The following SH3GL1 variants were observed in gnomAD, a reference collection of about 807,000 sequenced individuals.
The protein encoded by SH3GL1 is SH3 domain containing GRB2 like 1, endophilin A2, also known as endophilin-A2.
A neutral mutation model predicts 48.8 loss-of-function variants in SH3GL1; 21 were observed. The observed-to-expected ratio is 0.43, with a 90% CI of 0.30 to 0.62. The LOEUF is 0.62. Ranked by LOEUF, SH3GL1 falls within the 20% of genes least tolerant of loss-of-function variation. The pLI is 0.11. For missense variants in SH3GL1, 454 were observed against 503.0 expected (o/e 0.90, Z 0.93); for synonymous variants, 282 against 217.5 (o/e 1.30, Z -2.61).
chr19:4,395,056 A>C (rs1275064490), intron 1 of SH3GL1, among the ~76,000 whole-genome samples: 1 of 152,276 alleles, frequency 6.6e-6, no homozygotes, highest in African/African-American at 2.4e-5. Flanking sequence ...TGTGGCTCTC[A>C]ACTATTAAAT....
chr19:4,363,582 G>A, intron 6 of SH3GL1, 109 bp from the exon 7 acceptor site: 2 of 1,453,734 alleles, frequency 1.4e-6, no homozygotes, highest in Non-Finnish European at 1.9e-6. Context: ...GGGGACAGGG[G>A]ACTGGGGCCC....
At chr19:4,365,375 C>T in intron 4 of SH3GL1, 107 bp downstream of exon 4, 1 of 1,464,714 alleles carries the variant, frequency 6.8e-7, no homozygotes, top group Non-Finnish European at 9.5e-7. Flanking sequence ...GTGGGGGCCA[C>T]TGTACGTCCC....
chr19:4,362,470 C>A, intron 8 of SH3GL1, 85 bp from the exon 9 acceptor site: 1 of 1,570,940 alleles, frequency 6.4e-7, no homozygotes, highest in Non-Finnish European at 8.7e-7. Flanking sequence ...CAGCCCTTCC[C>A]GTCTGCCTTG....
chr19:4,392,558 A>G (rs1973356672), intron 1 of SH3GL1, among the ~76,000 whole-genome samples: 1 of 114,438 alleles, frequency 8.7e-6, no homozygotes, highest in Non-Finnish European at 2.0e-5. Context: ...ACACACACAC[A>G]CACACACACA....
At chr19:4,384,601 G>A (rs1037658959) in intron 1 of SH3GL1, among the ~76,000 whole-genome samples, 3 of 152,136 alleles carry the variant, frequency 2.0e-5, no homozygotes, top group Admixed American at 6.6e-5. Flanking sequence ...GCAAGGTACC[G>A]CACTGGAGAA....
At chr19:4,396,790 C>T (rs1973433806) in intron 1 of SH3GL1, among the ~76,000 whole-genome samples, 1 of 152,188 alleles carries the variant, frequency 6.6e-6, no homozygotes, top group South Asian at 2.1e-4. Flanking sequence ...CGTCTACCTA[C>T]TAGTAGCCAG....
chr19:4,367,122 A>C lies in SH3GL1; in HGVS notation c.46-128T>G. 1 of 834,600 alleles carries C rather than the reference A, an allele frequency of 1.2e-6. No homozygotes were observed. Among genetic ancestry groups the C allele is most frequent in the Non-Finnish European group, 2.0e-6 (1 of 488,440 alleles). 51.7% of individuals were successfully genotyped at this position (834,600 alleles called of 1,614,324 possible). A position where few individuals can be genotyped will look rare whatever the true frequency, so the allele number is the denominator to read the frequency against. On this transcript the variant is annotated intron_variant, in intron 1 of 9. Coordinates refer to ENST00000269886, the MANE Select transcript of SH3GL1 (RefSeq NM_003025.4). This position sits in a 1 kb window ranked among gnomAD's most constrained non-coding sequence, Gnocchi z 4.2. ...AGGCAGGAGGCCAAGTGATCAGGAC[A>C]CACACCTCAGGCACTGCCGTGGGCA... is the stretch of plus-strand genomic sequence containing the variant.
chr19:4,374,858 G>C (rs1289425769), intron 1 of SH3GL1, among the ~76,000 whole-genome samples: 2 of 152,214 alleles, frequency 1.3e-5, no homozygotes, highest in Non-Finnish European at 1.5e-5. Context: ...GGCTGCGCCT[G>C]GTGGCCGTAT....
intron 1 of SH3GL1, among the ~76,000 whole-genome samples, chr19:4,368,472 T>C (rs1972829527): frequency 6.6e-6 from 1 of 152,156 alleles, no homozygotes; most frequent in African/African-American, 2.4e-5. Context: ...CAACCCCAAG[T>C]TCTGCAAAAG....
At chr19:4,381,686 C>G (rs1375341909) in intron 1 of SH3GL1, among the ~76,000 whole-genome samples, 2 of 98,650 alleles carry the variant, frequency 2.0e-5, no homozygotes, top group Non-Finnish European at 4.0e-5. Flanking sequence ...ACCCCCCACA[C>G]GCCTTTTTTT....
At position 4,400,233 on chromosome 19, in the gene SH3GL1, C is replaced by T. The variant is rs1049734086; in HGVS notation, c.45+91G>A. ...GCGCCAACGTCCCCACCTCGGTCCC[C>T]CCGGCCCCCTCCCGGGCCAGGTCGG... On this transcript the variant is annotated intron_variant, in intron 1 of 9. Coordinates refer to ENST00000269886, the MANE Select transcript of SH3GL1 (RefSeq NM_003025.4). This position sits in a 1 kb window ranked among gnomAD's most constrained non-coding sequence, Gnocchi z 4.1. The T allele has an allele frequency of 1.4e-6, 2 of 1,424,428 alleles. No homozygotes were observed. The highest frequency in any genetic ancestry group is 1.9e-6 in the Non-Finnish European group (2 of 1,053,046). 88.2% of individuals were successfully genotyped at this position (1,424,428 alleles called of 1,614,324 possible).
At chr19:4,372,912 G>A (rs981814612) in intron 1 of SH3GL1, among the ~76,000 whole-genome samples, 8 of 152,190 alleles carry the variant, frequency 5.3e-5, no homozygotes, top group Non-Finnish European at 8.8e-5. Flanking sequence ...AGGCCCTTGC[G>A]TGCTGACTAT....
chr19:4,392,784 A>G (rs1277163626), intron 1 of SH3GL1, among the ~76,000 whole-genome samples: 1 of 151,986 alleles, frequency 6.6e-6, no homozygotes, highest in African/African-American at 2.4e-5. Flanking sequence ...TCTACTAAAA[A>G]TACAAAAATT....
intron 1 of SH3GL1, among the ~76,000 whole-genome samples, chr19:4,393,426 G>T (rs1025322102): frequency 1.3e-5 from 2 of 152,008 alleles, no homozygotes; most frequent in South Asian, 2.1e-4. Context: ...TCAAGACCTG[G>T]AGTGGTGGGG....
intron 1 of SH3GL1, among the ~76,000 whole-genome samples, chr19:4,392,518 T>A (rs1973354785): frequency 7.3e-6 from 1 of 137,766 alleles, no homozygotes; most frequent in African/African-American, 2.8e-5. Flanking sequence ...CAAGACTCCG[T>A]CACACACACA....
At chr19:4,364,886 GTGTGTGTGTGTGTA>G (rs1972732265) in intron 4 of SH3GL1, among the ~76,000 whole-genome samples, 2 of 90,888 alleles carry the variant, frequency 2.2e-5, no homozygotes, top group African/African-American at 4.4e-5. Flanking sequence ...GTGTGTGTGT[GTGTGTGTGTGTGTA>G]TATATATATA....
Position 4,361,528 on chromosome 19 carries a change from G to T in SH3GL1, c.*72C>A. ...ACACCGCCCTGGCAGCAGGGGCTCCGTGGAATGCAGGAGACCCAGCAGGGG... is the reference window on the plus strand; with the variant it reads ...ACACCGCCCTGGCAGCAGGGGCTCCTTGGAATGCAGGAGACCCAGCAGGGG... On this transcript the variant is annotated 3_prime_UTR_variant, in exon 10 of 10. Transcript: ENST00000269886. 8.2e-7 allele frequency: 1 copy of T among 1,218,568 alleles called. No individual in the cohort carries two copies. Among genetic ancestry groups the T allele is most frequent in the Non-Finnish European group, 1.2e-6 (1 of 865,742 alleles). The allele number at this position is 1,218,568 out of a possible 1,614,324, so 75.5% of individuals were successfully genotyped here.
At chr19:4,369,485 G>A (rs1357759621) in intron 1 of SH3GL1, among the ~76,000 whole-genome samples, 1 of 152,314 alleles carries the variant, frequency 6.6e-6, no homozygotes, top group East Asian at 1.9e-4. Context: ...GGCAGGAGTG[G>A]CTCCGTCAGG....
chr19:4,381,475 C>T (rs1436698701), intron 1 of SH3GL1, among the ~76,000 whole-genome samples: 1 of 131,614 alleles, frequency 7.6e-6, no homozygotes, highest in Non-Finnish European at 1.6e-5. Flanking sequence ...TCTCTCTGTC[C>T]CCTCTGCCTC....
Sources: allele counts gnomAD v4.1 joint callset (sites outside exome capture counted in the v4.1 genomes callset), GRCh38; gene constraint gnomAD v4.1.1; non-coding constraint Gnocchi (gnomAD v3.1); transcripts MANE v1.5; gene names NCBI Gene and HGNC (gene_info 2026-07-23, HGNC 2026-07-21).